Variants in SMG1 observed in about 807,000 individuals in gnomAD.
The protein encoded by SMG1 is serine/threonine-protein kinase SMG1.
In SMG1, 22 loss-of-function variants were observed where a neutral mutation model predicts 419.9. That is an observed-to-expected ratio of 0.05 (90% CI 0.04 to 0.07). The LOEUF is 0.07. Ranked by LOEUF, SMG1 falls within the 10% of genes least tolerant of loss-of-function variation. The pLI, the probability that SMG1 is intolerant of heterozygous loss-of-function variation, is 1.00. For synonymous variants in SMG1, 1,538 were observed against 1,553.5 expected (o/e 0.99, Z 0.23); for missense variants, 3,185 against 4,342.0 (o/e 0.73, Z 7.49).
chr16:18,830,768 G>C (rs1391690673), intron 51 of SMG1, among the ~76,000 whole-genome samples: 1 of 152,040 alleles, frequency 6.6e-6, no homozygotes, highest in Non-Finnish European at 1.5e-5. Flanking sequence ...ACTCCAGTCT[G>C]GGCAACAAGA....
In SMG1 at chr16:18,863,745, C is replaced by G. The variant is rs1228889566; in HGVS notation, c.3600G>C (p.Trp1200Cys). The G allele has an allele frequency of 6.3e-7, 1 of 1,582,868 alleles. No homozygotes were observed. The highest frequency in any genetic ancestry group is 8.6e-7 in the Non-Finnish European group (1 of 1,166,500). ...ACECYISIAD[W>C]AAVQEWQNAI... is the part of the protein sequence containing the mutation. ...CGTTCTGCCATTCCTGCACAGCAGC[C>G]CAATCGGCAATTGAGATGTAGCACT... The change falls in exon 25 of 63, where the codon TGG becomes TGC. Residue 1200 changes from tryptophan to cysteine, a missense_variant. Transcript: ENST00000446231.
chr16:18,888,284 A>C (rs2141780739), intron 6 of SMG1, among the ~76,000 whole-genome samples: 1 of 151,532 alleles, frequency 6.6e-6, no homozygotes, highest in Admixed American at 6.6e-5. Context: ...ATTTGGAATA[A>C]GAATTTGGGG....
intron 55 of SMG1, among the ~76,000 whole-genome samples, chr16:18,821,213 G>GT (rs2032499608): frequency 1.3e-5 from 1 of 77,364 alleles, no homozygotes; most frequent in African/African-American, 5.4e-5. Flanking sequence ...GAGATATTTA[G>GT]TATGTTTCTT....
rs761591094 is a variant in SMG1, at chr16:18,815,276, T to C, written c.10520A>G (p.Tyr3507Cys). Residue 3507 changes from tyrosine to cysteine, a missense_variant, in exon 60 of 63, where the codon TAT becomes TGT. Tyr to Cys is a radical substitution (Grantham distance 194). Transcript: ENST00000446231. ...TGATGCAAAACTCACTAAATTATTA[T>C]AGATACTGAAATACAAAATAAAATG... ...KELKTQSQSI[Y>C]NNLVSFASPL... 3 of 1,572,694 alleles carry C rather than the reference T, an allele frequency of 1.9e-6. No homozygotes were observed. Among genetic ancestry groups the C allele is most frequent in the East Asian group, 4.7e-5 (2 of 42,766 alleles).
chr16:18,872,119 A>C (rs893661438), intron 15 of SMG1, 65 bp downstream of exon 15: 27 of 1,007,826 alleles, frequency 2.7e-5, no homozygotes, highest in Non-Finnish European at 3.6e-5. Context: ...CACATTTCTT[A>C]TTCTCAAATT....
At chr16:18,817,120 G>T (rs1447964698) in intron 57 of SMG1, among the ~76,000 whole-genome samples, 171 bp downstream of exon 57, 1 of 6,454 alleles carries the variant, frequency 1.5e-4, no homozygotes, top group Non-Finnish European at 8.5e-3. Flanking sequence ...TTTCGGGGCG[G>T]GGGGGGGGGC....
At chr16:18,862,244 T>C (rs984810676) in intron 25 of SMG1, among the ~76,000 whole-genome samples, 7 of 152,174 alleles carry the variant, frequency 4.6e-5, no homozygotes, top group Non-Finnish European at 4.4e-5. Context: ...TCTAGGACAC[T>C]TCCCTTCTCA....
Position 18,835,972 on chromosome 16 carries a change from C to T in SMG1, c.8018G>A (p.Cys2673Tyr). The part of the protein sequence containing the change: ...QWKTWMEELI[C>Y]NTTVERCQEL... The stretch of plus-strand genomic sequence containing the variant: ...TTGACAACGCTCTACTGTGGTGTTA[C>T]AGATGAGCTCTTCCATCCAGGTCTT... The change falls in exon 48 of 63, where the codon TGT becomes TAT. Residue 2673 changes from cysteine to tyrosine, a missense_variant. Cys to Tyr is a radical substitution (Grantham distance 194, BLOSUM62 -2). Coordinates refer to ENST00000446231, the MANE Select transcript of SMG1 (RefSeq NM_015092.5). The T allele has an allele frequency of 6.4e-7, 1 of 1,553,746 alleles. No individual in the cohort carries two copies. Among genetic ancestry groups the T allele is most frequent in the Non-Finnish European group, 8.7e-7 (1 of 1,147,830 alleles).
chr16:18,842,880 C>T (rs1009292001), intron 39 of SMG1, among the ~76,000 whole-genome samples: 2 of 152,182 alleles, frequency 1.3e-5, no homozygotes, highest in Non-Finnish European at 2.9e-5. Context: ...ATCTGCTGTT[C>T]TTATTTCTAC....
chr16:18,920,099 A>G (rs75374470), intron 1 of SMG1, among the ~76,000 whole-genome samples: 2 of 150,722 alleles, frequency 1.3e-5, no homozygotes. Flanking sequence ...TTAAAAAAAA[A>G]GGCCGGGTGC....
At chr16:18,857,110 G>A (rs2034956933) in intron 29 of SMG1, 1 of 152,312 alleles carries the variant, frequency 6.6e-6, no homozygotes, top group South Asian at 2.1e-4. Context: ...CCAACCCCAG[G>A]TATATTTGGC....
chr16:18,828,153 G>A lies in SMG1; in HGVS notation c.9619C>T (p.Leu3207=), dbSNP rs1283426137. The change falls in exon 55 of 63, where the codon CTA becomes TTA. Residue 3207 remains leucine (L), a synonymous_variant. Coordinates refer to ENST00000446231, the MANE Select transcript of SMG1 (RefSeq NM_015092.5). ...IAMFQWQHED[L]LINRPQAMSV... is the part of the protein sequence containing the mutation. ...ATGGCTTGTGGTCTATTGATAAGTAGATCTTCATGTTGCCACTGTTGAGAG... is the reference window on the plus strand; with the variant it reads ...ATGGCTTGTGGTCTATTGATAAGTAAATCTTCATGTTGCCACTGTTGAGAG... 1.5e-5 allele frequency: 24 copies of A among 1,613,112 alleles called. No homozygotes were observed. Among genetic ancestry groups the A allele is most frequent in the Non-Finnish European group, 2.0e-5 (24 of 1,179,518 alleles).
intron 50 of SMG1, among the ~76,000 whole-genome samples, chr16:18,833,947 T>C (rs901920213): frequency 6.6e-6 from 1 of 152,248 alleles, no homozygotes; most frequent in African/African-American, 2.4e-5. Context: ...ATGTACCATA[T>C]TTGTCCATTT....
chr16:18,915,382 G>A (rs1596656721), intron 1 of SMG1, among the ~76,000 whole-genome samples: 1 of 152,130 alleles, frequency 6.6e-6, no homozygotes, highest in African/African-American at 2.4e-5. Flanking sequence ...GGCTAACAGG[G>A]CTGCCATAAG....
chr16:18,811,062 G>A (rs182327668), intron 62 of SMG1, among the ~76,000 whole-genome samples: 30 of 152,148 alleles, frequency 2.0e-4, no homozygotes, highest in East Asian at 5.8e-4. Flanking sequence ...CAAATGTCCC[G>A]ATACCCAAAG....
chr16:18,827,823 A>G (rs531811266), intron 55 of SMG1, among the ~76,000 whole-genome samples: 7 of 136,748 alleles, frequency 5.1e-5, no homozygotes, highest in Non-Finnish European at 9.3e-5. Context: ...ATACCAAAGT[A>G]TATGTTTTTA....
chr16:18,811,900 C>G, intron 61 of SMG1, 33 bp from the exon 62 acceptor site: 1 of 1,613,014 alleles, frequency 6.2e-7, no homozygotes, highest in Non-Finnish European at 8.5e-7. Context: ...GTAAGTCAAA[C>G]CGTCATTTTA....
In SMG1 at chr16:18,879,139, C is replaced by CA; in HGVS notation, c.1518+355dup. 1.1e-5 allele frequency: 3 copies of CA among 281,196 alleles called. No homozygotes were observed. In the South Asian group the frequency reaches 1.3e-4, roughly 12 times the overall value. The allele number at this position is 281,196 out of a possible 1,614,324, so 17.4% of individuals were successfully genotyped here. A position where few individuals can be genotyped will look rare whatever the true frequency, so the allele number is the denominator to read the frequency against. On this transcript the variant is annotated intron_variant, in intron 11 of 62. Transcript: ENST00000446231. ...CTTATTTTTTTTTCTTTTTTGGAGA[C>CA]AGGGCCTTTTTTTGTCACCTTGGCT...
At position 18,809,601 on chromosome 16, in the gene SMG1, G is replaced by T. The variant is rs766776098; in HGVS notation, c.10954C>A (p.Gln3652Lys). Residue 3652 changes from glutamine (Q) to lysine (K), a missense_variant, in exon 63 of 63, where the codon CAG (glutamine) becomes AAG (lysine). Physicochemically the swap from Gln to Lys is moderately conservative, Grantham distance 53. Transcript: ENST00000446231. The stretch of plus-strand genomic sequence containing the variant: ...CAGGCTGTCCAACCTTCATACAGCT[G>T]AGCCAAGTTATCTAGATTAGTTGCT... Reference protein sequence around the residue: ...KEATNLDNLAQLYEGWTAWV With the variant: ...KEATNLDNLAKLYEGWTAWV 6.2e-7 allele frequency: 1 copy of T among 1,611,762 alleles called. No individual in the cohort carries two copies. The highest frequency in any genetic ancestry group is 8.5e-7 in the Non-Finnish European group (1 of 1,178,904).
Sources: gnomAD v4.1 joint callset for allele counts (sites outside exome capture counted in the v4.1 genomes callset) on GRCh38, gnomAD v4.1.1 for gene constraint, MANE v1.5 for transcripts, NCBI Gene and HGNC (gene_info 2026-07-23, HGNC 2026-07-21) for gene names.